The following B3GLCT variants were observed in gnomAD, a reference collection of about 807,000 sequenced individuals.
B3GLCT encodes beta-1,3-glucosyltransferase.
B3GLCT carries 65 observed loss-of-function variants against 63.4 expected under a neutral mutation model. The observed-to-expected ratio is 1.03, with a 90% confidence interval of 0.84 to 1.26. The LOEUF (loss-of-function observed/expected upper bound fraction) is 1.26. Among genes scored for constraint, B3GLCT ranks in the 50% most tolerant of loss-of-function variants. B3GLCT has a pLI of 0.00. For synonymous variants in B3GLCT, 233 were observed against 219.2 expected (o/e 1.06, Z -0.55); for missense variants, 577 against 604.8 (o/e 0.95, Z 0.48).
Position 31,332,180 on chromosome 13 carries a change from G to A in B3GLCT, c.*2512G>A, listed in dbSNP as rs1332291727. On this transcript the variant is annotated 3_prime_UTR_variant, in exon 15 of 15. Coordinates refer to ENST00000343307, the MANE Select transcript of B3GLCT (RefSeq NM_194318.4). ...GTTGTATATATCCTCAAAAATTAAT[G>A]TAATTGACATCTTCAAGAATGTTTC... 1 of 152,090 alleles carries A rather than the reference G, an allele frequency of 6.6e-6. No homozygotes were observed. The highest frequency in any genetic ancestry group is 1.5e-5 in the Non-Finnish European group (1 of 67,988). The allele number at this position is 152,090 out of a possible 1,614,324, so 9.4% of individuals were successfully genotyped here.
chr13:31,276,669 A>ATACC (rs2137861998), intron 9 of B3GLCT, 33 bp from the exon 10 acceptor site: 1 of 1,434,168 alleles, frequency 7.0e-7, no homozygotes, highest in South Asian at 1.1e-5. Flanking sequence ...GCTGACTCAC[A>ATACC]TATGCATACA....
intron 14 of B3GLCT, among the ~76,000 whole-genome samples, chr13:31,325,554 A>T (rs939322957): frequency 1.3e-5 from 2 of 152,164 alleles, no homozygotes; most frequent in Admixed American, 6.6e-5. Context: ...TTTGAAGATA[A>T]TTTTTTTAAA....
chr13:31,221,261 C>T (rs962130184), intron 2 of B3GLCT, among the ~76,000 whole-genome samples: 1 of 152,210 alleles, frequency 6.6e-6, no homozygotes, highest in Admixed American at 6.5e-5. Flanking sequence ...GCTGTGGCAT[C>T]CAGAAGGCAG....
At chr13:31,239,518 G>T in intron 4 of B3GLCT, among the ~76,000 whole-genome samples, 1 of 152,024 alleles carries the variant, frequency 6.6e-6, no homozygotes. Flanking sequence ...TTTGACATCT[G>T]TTTTTTTGAC....
intron 14 of B3GLCT, among the ~76,000 whole-genome samples, chr13:31,326,389 T>A (rs1054677276): frequency 6.8e-6 from 1 of 146,226 alleles, no homozygotes; most frequent in African/African-American, 2.5e-5. Context: ...GTTCAAGCGA[T>A]TCTCCTGCCT....
At chr13:31,200,225 T>C in intron 1 of B3GLCT, 71 bp downstream of exon 1, 1 of 1,022,120 alleles carries the variant, frequency 9.8e-7, no homozygotes, top group Non-Finnish European at 1.2e-6. Flanking sequence ...CGTGCCCCGG[T>C]CGGCGCGGGG....
chr13:31,283,040 G>A (rs1028227458), intron 10 of B3GLCT: 1 of 152,134 alleles, frequency 6.6e-6, no homozygotes, highest in African/African-American at 2.4e-5. Context: ...ACTCACCCTT[G>A]ATTTTGATTT....
At chr13:31,317,717 T>G (rs1371999008) in intron 13 of B3GLCT, 32 bp downstream of exon 13, 27 of 1,613,116 alleles carry the variant, frequency 1.7e-5, no homozygotes, top group Middle Eastern at 1.6e-4. Flanking sequence ...TTCAACTACT[T>G]TAAACATAAA....
At chr13:31,320,441 G>T (rs535863438) in intron 13 of B3GLCT, among the ~76,000 whole-genome samples, 1 of 152,262 alleles carries the variant, frequency 6.6e-6, no homozygotes, top group African/African-American at 2.4e-5. Context: ...GCTGAAAGCT[G>T]CCATGGCTGT....
At chr13:31,272,433 G>A (rs1872614373) in intron 8 of B3GLCT, among the ~76,000 whole-genome samples, 1 of 151,902 alleles carries the variant, frequency 6.6e-6, no homozygotes, top group Admixed American at 6.6e-5. Context: ...GGCCAGGCTG[G>A]TCTTGAATTC....
At chr13:31,216,557 A>G (rs538013865) in intron 2 of B3GLCT, among the ~76,000 whole-genome samples, 1 of 152,256 alleles carries the variant, frequency 6.6e-6, no homozygotes, top group Admixed American at 6.5e-5. Flanking sequence ...CTAGGTAAGA[A>G]GCATAGTACC....
chr13:31,286,036 C>T (rs1458970744), intron 11 of B3GLCT, among the ~76,000 whole-genome samples: 1 of 152,128 alleles, frequency 6.6e-6, no homozygotes, highest in African/African-American at 2.4e-5. Flanking sequence ...TATTTGTGCT[C>T]CACTGTGTCA....
At chr13:31,272,129 G>A (rs1371528834) in intron 8 of B3GLCT, among the ~76,000 whole-genome samples, 1 of 151,662 alleles carries the variant, frequency 6.6e-6, no homozygotes, top group Non-Finnish European at 1.5e-5. Flanking sequence ...AAACCAGATA[G>A]CAAATTTACC....
Position 31,229,144 on chromosome 13 carries a change from TG to T in B3GLCT, c.161-40del, listed in dbSNP as rs750586018. On this transcript the variant is annotated intron_variant, in intron 3 of 14. Coordinates refer to ENST00000343307, the MANE Select transcript of B3GLCT (RefSeq NM_194318.4). ...GTTTTCAAGTTTATTTTAATAATTT[TG>T]TAAAAAGAAATACCTGAAAACTATT... The T allele has an allele frequency of 1.4e-4, 180 of 1,287,078 alleles. 2 individuals are homozygous for T. The highest frequency in any genetic ancestry group is 2.0e-4 in the Non-Finnish European group (176 of 896,638). The allele number at this position is 1,287,078 out of a possible 1,614,324, so 79.7% of individuals were successfully genotyped here. A position where few individuals can be genotyped will look rare whatever the true frequency, so the allele number is the denominator to read the frequency against.
chr13:31,276,703 G>A lies in B3GLCT; in HGVS notation c.782G>A (p.Arg261Lys). The A allele has an allele frequency of 6.2e-7, 1 of 1,609,044 alleles. No individual in the cohort carries two copies. Among genetic ancestry groups the A allele is most frequent in the Non-Finnish European group, 8.5e-7 (1 of 1,175,968 alleles). The change falls in exon 10 of 15, where the codon AGA becomes AAA. Residue 261 changes from arginine to lysine, a missense_variant and splice_region_variant. Arg to Lys is a conservative substitution (Grantham distance 26). Transcript: ENST00000343307. ...CATTTTTTCTTTTCTTTTTTTTAGAGAAAGCCAGTGAAGAAGAAGGATATT... is the reference window on the plus strand; with the variant it reads ...CATTTTTTCTTTTCTTTTTTTTAGAAAAAGCCAGTGAAGAAGAAGGATATT... ...TTFHSFLPLC[R>K]KPVKKKDIFV...
chr13:31,266,973 G>C (rs897776014), intron 7 of B3GLCT, among the ~76,000 whole-genome samples: 1 of 152,034 alleles, frequency 6.6e-6, no homozygotes, highest in Non-Finnish European at 1.5e-5. Context: ...GTTTCACCTT[G>C]TTGGCCAGGC....
chr13:31,285,604 TAA>T lies in B3GLCT; in HGVS notation c.964+868_964+869del, dbSNP rs11339832. On this transcript the variant is annotated intron_variant, in intron 11 of 14. Coordinates refer to ENST00000343307, the MANE Select transcript of B3GLCT (RefSeq NM_194318.4). ...TTTGTTCCCCATGCCCTTTTATGAG[TAA>T]AAAAAAAAAAAAAAAAAAAAAAAAG... is the stretch of plus-strand genomic sequence containing the variant. Among the ~76,000 whole-genome samples, 619 of 84,192 alleles carry T rather than the reference TAA, an allele frequency of 7.4e-3. 8 individuals carry two copies. Among genetic ancestry groups the T allele is most frequent in the African/African-American group, 0.02 (457 of 22,544 alleles). 55.2% of individuals were successfully genotyped at this position (84,192 alleles called of 152,430 possible).
At chr13:31,272,207 T>C (rs1205483406) in intron 8 of B3GLCT, among the ~76,000 whole-genome samples, 1 of 139,872 alleles carries the variant, frequency 7.1e-6, no homozygotes, top group African/African-American at 2.6e-5. Flanking sequence ...TCTCCTTATT[T>C]TCTATTTTTC....
At chr13:31,279,382 T>C (rs1303616756) in intron 10 of B3GLCT, among the ~76,000 whole-genome samples, 1 of 151,892 alleles carries the variant, frequency 6.6e-6, no homozygotes, top group African/African-American at 2.4e-5. Flanking sequence ...TTTCCCTAAG[T>C]GTTGGCCAGT....
Sources: gnomAD v4.1 joint callset for allele counts (sites outside exome capture counted in the v4.1 genomes callset) on GRCh38, gnomAD v4.1.1 for gene constraint, MANE v1.5 for transcripts, NCBI Gene and HGNC (gene_info 2026-07-23, HGNC 2026-07-21) for gene names.